Variants in DCDC2C observed in about 807,000 individuals in gnomAD.
The protein encoded by DCDC2C is doublecortin domain-containing protein 2C.
Under a neutral mutation model 45.0 loss-of-function variants are expected in DCDC2C, and 44 were observed. The observed-to-expected ratio is 0.98, with a 90% CI of 0.77 to 1.26. The LOEUF is 1.26. DCDC2C is among the 50% of genes most tolerant of loss of function. DCDC2C has a pLI of 0.00. For missense variants in DCDC2C, 447 were observed against 468.9 expected, an observed-to-expected ratio of 0.95 and a Z score of 0.43; for synonymous variants, 187 against 178.8, an observed-to-expected ratio of 1.05 and a Z score of -0.37.
At chr2:3,808,418 G>A (rs533670721) in intron 10 of DCDC2C, among the ~76,000 whole-genome samples, 2 of 151,714 alleles carry the variant, frequency 1.3e-5, no homozygotes, top group Admixed American at 1.3e-4. Context: ...TTTGAGATTG[G>A]TTCTCGCTCT....
At position 3,778,923 on chromosome 2, in the gene DCDC2C, A is replaced by T. The variant is rs531837066; in HGVS notation, c.1023+39A>T. On this transcript the variant is annotated intron_variant, in intron 9 of 10. Coordinates refer to ENST00000399143, the MANE Select transcript of DCDC2C (RefSeq NM_001287444.2). The stretch of plus-strand genomic sequence containing the variant: ...ATTTTGTGTTTAATGGCTTGGATCT[A>T]AGGCACCTGACACTTTGAACAGAGC... 67 of 1,529,442 alleles carry T rather than the reference A, an allele frequency of 4.4e-5. No homozygotes were observed. In the East Asian group the frequency reaches 1.6e-3, roughly 37 times the overall value. The allele number at this position is 1,529,442 out of a possible 1,614,324, so 94.7% of individuals were successfully genotyped here.
intron 2 of DCDC2C, among the ~76,000 whole-genome samples, chr2:3,718,385 C>A (rs1418790198): frequency 6.6e-6 from 1 of 152,092 alleles, no homozygotes; most frequent in African/African-American, 2.4e-5. Context: ...TTAGAGTCAG[C>A]AATTTTGGAG....
At chr2:3,829,320 T>C (rs1671900832) in intron 10 of DCDC2C, among the ~76,000 whole-genome samples, 1 of 150,806 alleles carries the variant, frequency 6.6e-6, no homozygotes, top group African/African-American at 2.4e-5. Context: ...TTAGTCAATC[T>C]GGCAACTAAG....
intron 7 of DCDC2C, among the ~76,000 whole-genome samples, chr2:3,768,413 T>C (rs1670070527): frequency 6.6e-6 from 1 of 152,218 alleles, no homozygotes; most frequent in Non-Finnish European, 1.5e-5. Flanking sequence ...CACATTCATG[T>C]CCCGTCTCAT....
intron 10 of DCDC2C, among the ~76,000 whole-genome samples, chr2:3,834,580 C>T (rs1472981949): frequency 2.0e-5 from 3 of 152,212 alleles, no homozygotes. Context: ...CCTGGGAGGT[C>T]ACTTGCATTG....
chr2:3,715,145 T>C (rs1268361786), intron 2 of DCDC2C, among the ~76,000 whole-genome samples: 1 of 152,212 alleles, frequency 6.6e-6, no homozygotes, highest in Non-Finnish European at 1.5e-5. Context: ...TCAAAACTCC[T>C]TTCTATTTAA....
Position 3,833,135 on chromosome 2 carries a change from T to G in DCDC2C, c.1066-14019T>G, listed in dbSNP as rs576326812. Among the ~76,000 whole-genome samples the G allele has an allele frequency of 2.0e-5, 3 of 152,350 alleles. No individual in the cohort carries two copies. The East Asian group carries it at 5.8e-4, about 29-fold the overall frequency. ...AACCCTGCATCCCTCTGAGCATTCTTTTGCCATCACGTTGCCCTCTGGCTC... is the reference window on the plus strand; with the variant it reads ...AACCCTGCATCCCTCTGAGCATTCTGTTGCCATCACGTTGCCCTCTGGCTC... On this transcript the variant is annotated intron_variant, in intron 10 of 10. Coordinates refer to ENST00000399143, the MANE Select transcript of DCDC2C (RefSeq NM_001287444.2).
At chr2:3,717,051 CTT>C (rs1668369468) in intron 2 of DCDC2C, among the ~76,000 whole-genome samples, 2 of 152,144 alleles carry the variant, frequency 1.3e-5, no homozygotes, top group African/African-American at 4.8e-5. Flanking sequence ...AAGCTCTTCT[CTT>C]CTCATTTTCT....
rs576714325 is a variant in DCDC2C, at chr2:3,846,799, G to A, written c.1066-355G>A. 1.3e-3 allele frequency among the ~76,000 whole-genome samples: 194 copies of A among 152,268 alleles called. 3 individuals carry two copies. The highest frequency in any genetic ancestry group is 7.7e-4 in the East Asian group (4 of 5,174). ...CAGCACATTCAATGCTGGTTGGTCAGGATGGGGGCTGTGGAGTGAGAAGGG... is the reference window on the plus strand; with the variant it reads ...CAGCACATTCAATGCTGGTTGGTCAAGATGGGGGCTGTGGAGTGAGAAGGG... On this transcript the variant is annotated intron_variant, in intron 10 of 10. Transcript: ENST00000399143.
intron 2 of DCDC2C, among the ~76,000 whole-genome samples, chr2:3,709,313 G>C (rs1321671203): frequency 6.6e-6 from 1 of 152,194 alleles, no homozygotes; most frequent in Non-Finnish European, 1.5e-5. Flanking sequence ...TACCTCAGAA[G>C]CTCGTTGTAA....
chr2:3,807,123 C>G (rs187937036), intron 10 of DCDC2C, among the ~76,000 whole-genome samples: 5 of 151,782 alleles, frequency 3.3e-5, no homozygotes, highest in Admixed American at 3.3e-4. Flanking sequence ...TTTACATCTG[C>G]TTGAACTTGA....
intron 2 of DCDC2C, among the ~76,000 whole-genome samples, chr2:3,720,457 A>T (rs1357964101): frequency 6.6e-6 from 1 of 152,186 alleles, no homozygotes; most frequent in African/African-American, 2.4e-5. Flanking sequence ...CTCCAGTTGT[A>T]TTAGACACTC....
intron 4 of DCDC2C, among the ~76,000 whole-genome samples, chr2:3,744,182 G>C (rs1669293739): frequency 6.6e-6 from 1 of 152,184 alleles, no homozygotes; most frequent in African/African-American, 2.4e-5. Flanking sequence ...CGGGCACTCA[G>C]CAGCTGGGGA....
At chr2:3,715,417 A>G (rs899270877) in intron 2 of DCDC2C, among the ~76,000 whole-genome samples, 1 of 152,156 alleles carries the variant, frequency 6.6e-6, no homozygotes, top group African/African-American at 2.4e-5. Context: ...TTCCCAACAC[A>G]TTGCCATGCT....
chr2:3,794,095 A>G (rs1370282070), intron 10 of DCDC2C, among the ~76,000 whole-genome samples: 2 of 152,174 alleles, frequency 1.3e-5, no homozygotes, highest in African/African-American at 2.4e-5. Context: ...ATTAAAATCT[A>G]TTGTTATATT....
At chr2:3,832,699 T>C (rs561201300) in intron 10 of DCDC2C, among the ~76,000 whole-genome samples, 1 of 152,316 alleles carries the variant, frequency 6.6e-6, no homozygotes, top group East Asian at 1.9e-4. Context: ...TTGTAGTCAT[T>C]TTCTTCACAT....
At chr2:3,802,578 G>A (rs777854712) in intron 10 of DCDC2C, among the ~76,000 whole-genome samples, 7 of 152,094 alleles carry the variant, frequency 4.6e-5, no homozygotes, top group African/African-American at 7.2e-5. Flanking sequence ...TGGCAGGCTC[G>A]GTCTGAGGAG....
chr2:3,729,248 TG>T (rs1229775777), intron 3 of DCDC2C, among the ~76,000 whole-genome samples: 1 of 150,394 alleles, frequency 6.6e-6, no homozygotes, highest in African/African-American at 2.5e-5. Context: ...AGAGGGAGAG[TG>T]GGAAGAGAAG....
At chr2:3,748,250 C>G (rs560452862) in intron 4 of DCDC2C, among the ~76,000 whole-genome samples, 2 of 151,526 alleles carry the variant, frequency 1.3e-5, no homozygotes, top group East Asian at 2.0e-4. Flanking sequence ...TACAGGTGAT[C>G]TGGGGGAGAC....
Sources: allele counts gnomAD v4.1 joint callset (sites outside exome capture counted in the v4.1 genomes callset), GRCh38; gene constraint gnomAD v4.1.1; transcripts MANE v1.5; gene names NCBI Gene and HGNC (gene_info 2026-07-23, HGNC 2026-07-21).